MCTP2: variants seen among roughly 807,000 people sequenced by gnomAD.
The protein encoded by MCTP2 is multiple C2 and transmembrane domain-containing protein 2.
Under a neutral mutation model 111.6 loss-of-function variants are expected in MCTP2, and 132 were observed. The observed-to-expected ratio is 1.18, with a 90% confidence interval of 1.03 to 1.37. The LOEUF is 1.37. Ranked by LOEUF, MCTP2 falls within the 40% of genes most tolerant of loss-of-function variation. The probability of loss-of-function intolerance (pLI) is 0.00; values close to 1 mark genes in which losing one functional copy is unlikely to be tolerated. For missense variants in MCTP2, 1,183 were observed against 1,067.9 expected, an observed-to-expected ratio of 1.11 and a Z score of -1.50; for synonymous variants, 395 against 387.7, an observed-to-expected ratio of 1.02 and a Z score of -0.22.
At chr15:94,305,211 G>C (rs1213294839) in intron 2 of MCTP2, among the ~76,000 whole-genome samples, 1 of 152,184 alleles carries the variant, frequency 6.6e-6, no homozygotes, top group Non-Finnish European at 1.5e-5. Flanking sequence ...ACAAGAGAAA[G>C]AGACACCAGA....
intron 1 of MCTP2, among the ~76,000 whole-genome samples, chr15:94,246,317 G>C (rs1207999754): frequency 6.6e-6 from 1 of 152,158 alleles, no homozygotes; most frequent in African/African-American, 2.4e-5. Context: ...CACTGGGAAA[G>C]TTACTTAAGC....
At chr15:94,264,427 C>A (rs1347483678) in intron 1 of MCTP2, among the ~76,000 whole-genome samples, 1 of 151,830 alleles carries the variant, frequency 6.6e-6, no homozygotes, top group African/African-American at 2.4e-5. Flanking sequence ...GCTAACACAG[C>A]GAAACCCTGT....
At chr15:94,331,680 T>C (rs1377960414) in intron 4 of MCTP2, among the ~76,000 whole-genome samples, 1 of 152,260 alleles carries the variant, frequency 6.6e-6, no homozygotes, top group Non-Finnish European at 1.5e-5. Flanking sequence ...ATATTGGTCA[T>C]TGGAAATTCT....
chr15:94,399,613 T>A, intron 15 of MCTP2: 1 of 231,848 alleles, frequency 4.3e-6, no homozygotes, highest in East Asian at 8.9e-5. Context: ...GGAAGTTTTA[T>A]CTTTTACGGA....
chr15:94,236,683 A>G (rs183213234), intron 1 of MCTP2, among the ~76,000 whole-genome samples: 3 of 152,244 alleles, frequency 2.0e-5, no homozygotes, highest in African/African-American at 7.2e-5. Flanking sequence ...GCTAAATATT[A>G]TGTTAGGCAC....
At chr15:94,243,981 A>G (rs972718778) in intron 1 of MCTP2, among the ~76,000 whole-genome samples, 16 of 147,422 alleles carry the variant, frequency 1.1e-4, no homozygotes, top group African/African-American at 3.9e-4. Context: ...ATGTATACAC[A>G]TACATATGTG....
In MCTP2 at chr15:94,458,194, A is replaced by G; in HGVS notation, c.2308A>G (p.Thr770Ala). ...RIYMVQDIVS[T>A]VQNVLEEIAS... ...CTATATGGTACAGGATATTGTTTCA[A>G]CTGTTCAAAACGTCTTGGAGGAAAT... is the stretch of plus-strand genomic sequence containing the variant. Residue 770 changes from threonine (T) to alanine (A), a missense_variant, in exon 20 of 23, where the codon ACT becomes GCT. Physicochemically the swap from Thr to Ala is moderately conservative, Grantham distance 58 (BLOSUM62 0). Coordinates refer to ENST00000357742, the MANE Select transcript of MCTP2 (RefSeq NM_001385001.1). 4 of 1,612,618 alleles carry G rather than the reference A, an allele frequency of 2.5e-6. No individual in the cohort carries two copies. The highest frequency in any genetic ancestry group is 3.4e-6 in the Non-Finnish European group (4 of 1,178,604).
At chr15:94,464,264 T>TATATATTATATATA (rs1567765020) in intron 20 of MCTP2, among the ~76,000 whole-genome samples, 8 of 116,958 alleles carry the variant, frequency 6.8e-5, no homozygotes, top group African/African-American at 2.5e-4. Flanking sequence ...ATATTATATA[T>TATATATTATATATA]ATATATATAT....
In MCTP2 at chr15:94,467,764, C is replaced by T. The variant is rs1002556665; in HGVS notation, c.2361-2569C>T. Among the ~76,000 whole-genome samples the T allele has an allele frequency of 2.1e-4, 32 of 152,282 alleles. 1 individual carries two copies. The highest frequency in any genetic ancestry group is 2.6e-4 in the Admixed American group (4 of 15,300). Reference sequence around the variant, plus strand: ...TTTCTTGCCATGCTGAACTGGATCCCGTTGTGGAGTTCAGATGATAACATT... The same window carrying T: ...TTTCTTGCCATGCTGAACTGGATCCTGTTGTGGAGTTCAGATGATAACATT... On this transcript the variant is annotated intron_variant, in intron 20 of 22. Transcript: ENST00000357742.
chr15:94,461,130 A>G (rs192248883), intron 20 of MCTP2, among the ~76,000 whole-genome samples: 4 of 152,242 alleles, frequency 2.6e-5, no homozygotes, highest in Admixed American at 2.0e-4. Flanking sequence ...CAAATTTTAA[A>G]TGTATGTATA....
intron 14 of MCTP2, among the ~76,000 whole-genome samples, chr15:94,391,195 T>G (rs1459994984): frequency 4.6e-5 from 7 of 152,162 alleles, no homozygotes; most frequent in African/African-American, 1.7e-4. Context: ...AATAACAGCT[T>G]CACTTAATTG....
At chr15:94,478,103 G>A (rs1174493015) in intron 22 of MCTP2, among the ~76,000 whole-genome samples, 1 of 152,176 alleles carries the variant, frequency 6.6e-6, no homozygotes, top group Non-Finnish European at 1.5e-5. Context: ...TTTAAATAAA[G>A]CCATTCCACC....
At position 94,295,915 on chromosome 15, in the gene MCTP2, CA is replaced by C. The variant is rs35051806; in HGVS notation, c.-65-2272del. ...GGGCAACTGGAGTGAGACCCTGACT[CA>C]AAAAAAAAAAAAATTCTGTCTGGTT... On this transcript the variant is annotated intron_variant, in intron 1 of 22. Coordinates refer to ENST00000357742, the MANE Select transcript of MCTP2 (RefSeq NM_001385001.1). 4.3e-3 allele frequency among the ~76,000 whole-genome samples: 624 copies of C among 143,966 alleles called. 2 individuals carry two copies. The highest frequency in any genetic ancestry group is 0.014 in the African/African-American group (516 of 37,982). 94.4% of individuals were successfully genotyped at this position (143,966 alleles called of 152,430 possible).
At chr15:94,236,478 G>A (rs1596118530) in intron 1 of MCTP2, among the ~76,000 whole-genome samples, 2 of 147,598 alleles carry the variant, frequency 1.4e-5, no homozygotes, top group Admixed American at 6.9e-5. Flanking sequence ...GTGTGCGAGT[G>A]CGTAGAGTGA....
intron 17 of MCTP2, among the ~76,000 whole-genome samples, chr15:94,412,381 C>T (rs1191451273): frequency 6.6e-6 from 1 of 151,540 alleles, no homozygotes; most frequent in Non-Finnish European, 1.5e-5. Context: ...AGAGTGGTAA[C>T]ATGCCGTAGG....
intron 17 of MCTP2, among the ~76,000 whole-genome samples, chr15:94,421,337 A>G (rs1054683309): frequency 6.6e-6 from 1 of 152,182 alleles, no homozygotes; most frequent in African/African-American, 2.4e-5. Context: ...CAAACTCACA[A>G]GATCTCAGAT....
intron 2 of MCTP2, among the ~76,000 whole-genome samples, chr15:94,305,571 C>G (rs2075841212): frequency 6.6e-6 from 1 of 152,178 alleles, no homozygotes; most frequent in African/African-American, 2.4e-5. Context: ...AAGTCAGTCT[C>G]TCTTGTTAGA....
chr15:94,462,672 A>T (rs1596807003), intron 20 of MCTP2, among the ~76,000 whole-genome samples: 1 of 152,208 alleles, frequency 6.6e-6, no homozygotes, highest in African/African-American at 2.4e-5. Context: ...CTACTACAGA[A>T]GCAATGAAGA....
intron 14 of MCTP2, among the ~76,000 whole-genome samples, chr15:94,396,402 TTTTAAA>T (rs1471293642): frequency 1.3e-5 from 2 of 152,284 alleles, no homozygotes; most frequent in East Asian, 1.9e-4. Flanking sequence ...ATTTTCAGAC[TTTTAAA>T]TATAAATAAT....
Sources: allele counts gnomAD v4.1 joint callset (sites outside exome capture counted in the v4.1 genomes callset), GRCh38; gene constraint gnomAD v4.1.1; transcripts MANE v1.5; gene names NCBI Gene and HGNC (gene_info 2026-07-23, HGNC 2026-07-21).